The following DOCK6 variants were observed in gnomAD, a reference collection of about 807,000 sequenced individuals.
DOCK6 encodes the protein dedicator of cytokinesis 6.
DOCK6 carries 167 observed loss-of-function variants against 230.3 expected under a neutral mutation model. The ratio of observed to expected loss-of-function variants is 0.73; its 90% CI spans 0.64 to 0.82. The LOEUF is 0.82. Among genes scored for constraint, DOCK6 ranks in the 40% least tolerant of loss-of-function variants. DOCK6 has a pLI of 0.00. For missense variants in DOCK6, 2,598 were observed against 2,825.8 expected, an observed-to-expected ratio of 0.92 and a Z score of 1.83; for synonymous variants, 1,148 against 1,185.0, an observed-to-expected ratio of 0.97 and a Z score of 0.64.
intron 14 of DOCK6, among the ~76,000 whole-genome samples, chr19:11,239,118 T>C (rs1043413079): frequency 6.6e-6 from 1 of 152,076 alleles, no homozygotes; most frequent in African/African-American, 2.4e-5. Flanking sequence ...TCAGTGGTGA[T>C]CTGGGCATAT....
chr19:11,201,865 G>A lies in DOCK6; in HGVS notation c.5688+24C>T, dbSNP rs780222506. ...GATGTCCCCTCACCTCCCCACCCCC[G>A]CCAGGCCCAGGATCCCCACCCACCT... On this transcript the variant is annotated intron_variant, in intron 44 of 47. Transcript: ENST00000294618. The surrounding 1 kb of genome is among the most constrained non-coding windows in gnomAD (Gnocchi z 4.3). 14 of 424,962 alleles carry A rather than the reference G, an allele frequency of 3.3e-5. No homozygotes were observed. In the African/African-American group the frequency reaches 3.8e-4, roughly 12 times the overall value. 26.3% of individuals were successfully genotyped at this position (424,962 alleles called of 1,614,324 possible).
rs374625883 is a variant in DOCK6 at position 11,236,762 on chromosome 19, C to T, written c.2160+31G>A. 6.5e-5 allele frequency: 101 copies of T among 1,550,660 alleles called. No individual in the cohort carries two copies. The highest frequency in any genetic ancestry group is 5.7e-4 in the Admixed American group (29 of 50,976). ...TAGGGCAGGCAAGAGGGGAGCAGGG[C>T]GGGACTCTTGGTTCCCGGCCCACCC... On this transcript the variant is annotated intron_variant, in intron 19 of 47. Coordinates refer to ENST00000294618, the MANE Select transcript of DOCK6 (RefSeq NM_020812.4). The surrounding 1 kb of genome is among the most constrained non-coding windows in gnomAD (Gnocchi z 5.2).
chr19:11,221,889 A>G lies in DOCK6; in HGVS notation c.3512T>C (p.Ile1171Thr), dbSNP rs141161343. The G allele has an allele frequency of 3.0e-5, 48 of 1,613,792 alleles. No homozygotes were observed. In the East Asian group the frequency reaches 6.5e-4, roughly 22 times the overall value. ...CAGCCGTGGCAAGGTATCCCGTGCA[A>G]TCGATAGCAGTGGCAGGTACAGCTC... ...VAELYLPLLS[I>T]ARDTLPRLHD... is the part of the protein sequence containing the mutation. Residue 1171 changes from isoleucine (I) to threonine (T), a missense_variant, in exon 28 of 48, where the codon ATT becomes ACT. Ile to Thr is a moderately conservative substitution (Grantham distance 89). Coordinates refer to ENST00000294618, the MANE Select transcript of DOCK6 (RefSeq NM_020812.4).
chr19:11,245,934 C>T, intron 7 of DOCK6, 56 bp from the exon 8 acceptor site: 1 of 1,545,206 alleles, frequency 6.5e-7, no homozygotes, highest in Non-Finnish European at 8.8e-7. Context: ...TGTCCACACA[C>T]CCCACTCCCT....
chr19:11,248,138 T>C lies in DOCK6; in HGVS notation c.734A>G (p.Glu245Gly). 6.4e-7 allele frequency: 1 copy of C among 1,560,196 alleles called. No homozygotes were observed. The highest frequency in any genetic ancestry group is 8.7e-7 in the Non-Finnish European group (1 of 1,147,330). ...YPAPDEDEAV[E>G]RCSRPEPPRE... ...GGGTGGCTCTGGGCGGCTACAGCGTTCCACGGCTTCATCCTGCCAAGAGTG... is the reference window on the plus strand; with the variant it reads ...GGGTGGCTCTGGGCGGCTACAGCGTCCCACGGCTTCATCCTGCCAAGAGTG... Residue 245 changes from glutamate to glycine, a missense_variant, in exon 7 of 48, where the codon GAA becomes GGA. Glu to Gly is a moderately conservative substitution (Grantham distance 98). Coordinates refer to ENST00000294618, the MANE Select transcript of DOCK6 (RefSeq NM_020812.4).
intron 28 of DOCK6, chr19:11,220,956 C>G (rs1198722044): frequency 6.6e-6 from 1 of 151,938 alleles, no homozygotes; most frequent in Non-Finnish European, 1.5e-5. Context: ...TCCCGAGTAG[C>G]TGGGACTACA....
At chr19:11,206,105 A>G (rs2079255733) in intron 39 of DOCK6, 1 of 152,208 alleles carries the variant, frequency 6.6e-6, no homozygotes, top group African/African-American at 2.4e-5. Flanking sequence ...GAACTGAGAA[A>G]CAGGTAAAAT....
At chr19:11,219,700 G>A (rs1228675313) in intron 28 of DOCK6, among the ~76,000 whole-genome samples, 2 of 150,882 alleles carry the variant, frequency 1.3e-5, no homozygotes, top group African/African-American at 4.9e-5. Context: ...TGAAGCAGGA[G>A]AATGGTGTCA....
Position 11,222,373 on chromosome 19 carries a change from T to A in DOCK6, c.3241-125A>T. ...AATAGCCACAGATGAAAGACTGATG[T>A]TAAGTCATCTGGAGGTGACAGTGGG... is the stretch of plus-strand genomic sequence containing the variant. On this transcript the variant is annotated intron_variant, in intron 26 of 47. Coordinates refer to ENST00000294618, the MANE Select transcript of DOCK6 (RefSeq NM_020812.4). The surrounding 1 kb of genome is among the most constrained non-coding windows in gnomAD (Gnocchi z 4.0). The A allele has an allele frequency of 7.5e-7, 1 of 1,328,290 alleles. No individual in the cohort carries two copies. The highest frequency in any genetic ancestry group is 1.0e-6 in the Non-Finnish European group (1 of 977,524). 82.3% of individuals were successfully genotyped at this position (1,328,290 alleles called of 1,614,324 possible).
chr19:11,229,473 C>G, intron 22 of DOCK6: 1 of 646,376 alleles, frequency 1.5e-6, no homozygotes, highest in Non-Finnish European at 1.9e-6. Flanking sequence ...CGTGTTCACA[C>G]AGACAGGGAT....
intron 39 of DOCK6, 194 bp downstream of exon 39, chr19:11,208,492 G>A (rs958071648): frequency 6.2e-6 from 4 of 645,108 alleles, no homozygotes; most frequent in Non-Finnish European, 1.0e-5. Flanking sequence ...TGCTGGCCAG[G>A]CTGGTCTCGA....
chr19:11,202,680 G>A lies in DOCK6; in HGVS notation c.5265C>T (p.Gly1755=). The change falls in exon 42 of 48, where the codon GGC becomes GGT. Residue 1755 remains glycine (G), a synonymous_variant. Coordinates refer to ENST00000294618, the MANE Select transcript of DOCK6 (RefSeq NM_020812.4). The surrounding 1 kb of genome is among the most constrained non-coding windows in gnomAD (Gnocchi z 5.3). The stretch of plus-strand genomic sequence containing the variant: ...GGTCACCGAAGTGGGCGCCGTAGAA[G>A]CCCACGCGGAAATACGTCCCGAACA... ...ERVFGTYFRV[G]FYGAHFGDLD... is the part of the protein sequence containing the mutation. 1 of 1,613,874 alleles carries A rather than the reference G, an allele frequency of 6.2e-7. No homozygotes were observed. The highest frequency in any genetic ancestry group is 8.5e-7 in the Non-Finnish European group (1 of 1,179,878).
rs755386642 is a variant in DOCK6 at position 11,208,965 on chromosome 19, G to A, written c.4890C>T (p.Tyr1630=). 6.2e-7 allele frequency: 1 copy of A among 1,605,962 alleles called. No homozygotes were observed. The highest frequency in any genetic ancestry group is 1.1e-5 in the South Asian group (1 of 90,822). Residue 1630 remains tyrosine, a synonymous_variant, in exon 38 of 48, where the codon TAC becomes TAT. Transcript: ENST00000294618. Reference sequence around the variant, plus strand: ...GGCGGTGGTCCTCGAGCAGGGCGAGGTACTCAGCCACGAGGGCGGCCGCGT... The same window carrying A: ...GGCGGTGGTCCTCGAGCAGGGCGAGATACTCAGCCACGAGGGCGGCCGCGT... ...MVHAAALVAE[Y]LALLEDHRHL...
chr19:11,235,793 C>T, intron 20 of DOCK6, 34 bp from the exon 21 acceptor site: 1 of 1,554,776 alleles, frequency 6.4e-7, no homozygotes, highest in South Asian at 1.2e-5. Flanking sequence ...GTTCCAGGGC[C>T]CAAGGCCTCT....
In DOCK6 at chr19:11,251,066, C is replaced by T. The variant is rs749644992; in HGVS notation, c.528G>A (p.Ser176=). The part of the protein sequence containing the change: ...PEDSNDSRRG[S]GSPEDTPRSS... Reference sequence around the variant, plus strand: ...TTCGAGGGGTGTCTTCCGGGGAGCCCGAGCCACGCCGGGAGTCATTCTGCC... The same window carrying T: ...TTCGAGGGGTGTCTTCCGGGGAGCCTGAGCCACGCCGGGAGTCATTCTGCC... Residue 176 remains serine (S), a synonymous_variant, in exon 6 of 48, where the codon TCG becomes TCA. Transcript: ENST00000294618. 8.7e-6 allele frequency: 14 copies of T among 1,610,878 alleles called. No homozygotes were observed. The Admixed American group carries it at 1.0e-4, about 12-fold the overall frequency.
intron 1 of DOCK6, among the ~76,000 whole-genome samples, chr19:11,259,772 G>A (rs1251232350): frequency 2.0e-5 from 3 of 150,880 alleles, no homozygotes; most frequent in African/African-American, 4.9e-5. Flanking sequence ...TAGTAGAGAC[G>A]GAGTTTCACC....
Position 11,215,422 on chromosome 19 carries a change from G to A in DOCK6, c.4071C>T (p.Val1357=). The A allele has an allele frequency of 6.2e-7, 1 of 1,613,804 alleles. No individual in the cohort carries two copies. The highest frequency in any genetic ancestry group is 1.1e-5 in the South Asian group (1 of 91,066). Residue 1357 remains valine (V), a synonymous_variant, in exon 32 of 48, where the codon GTC becomes GTT. Coordinates refer to ENST00000294618, the MANE Select transcript of DOCK6 (RefSeq NM_020812.4). ...NPENVRWRKS[V]THWKQTSDRV... ...GGTCTGAGGTTTGCTTCCAGTGTGT[G>A]ACGCTCTTCCGCCAGCGCACATTCT...
At chr19:11,226,774 C>T (rs186239784) in intron 24 of DOCK6, among the ~76,000 whole-genome samples, 374 of 152,300 alleles carry the variant, frequency 2.5e-3, no homozygotes, top group African/African-American at 8.7e-3. Context: ...GCCTGCCTAG[C>T]CCCTGAGGGC....
At position 11,223,045 on chromosome 19, in the gene DOCK6, G is replaced by C. The variant is rs1297487486; in HGVS notation, c.3017C>G (p.Ser1006Cys). The change falls in exon 25 of 48, where the codon TCC (serine) becomes TGC (cysteine). Residue 1006 changes from serine to cysteine, a missense_variant. Ser to Cys is a moderately radical substitution (Grantham distance 112). Coordinates refer to ENST00000294618, the MANE Select transcript of DOCK6 (RefSeq NM_020812.4). ...SLAFFLSDLL[S>C]LVDRGFVFSL... ...GAAGACAAAGCCCCGGTCCACCAGG[G>C]ACAGAAGGTCACTGAGGAAGAAAGC... The C allele has an allele frequency of 6.2e-7, 1 of 1,613,796 alleles. No individual in the cohort carries two copies. The highest frequency in any genetic ancestry group is 8.5e-7 in the Non-Finnish European group (1 of 1,179,882).
Sources: gnomAD v4.1 joint callset for allele counts (sites outside exome capture counted in the v4.1 genomes callset) on GRCh38, gnomAD v4.1.1 for gene constraint, Gnocchi (gnomAD v3.1) non-coding constraint, MANE v1.5 for transcripts, NCBI Gene and HGNC (gene_info 2026-07-23, HGNC 2026-07-21) for gene names.